Variants in PUDP observed in about 807,000 individuals in gnomAD.
The protein encoded by PUDP is pseudouridine 5'-phosphatase, also known as pseudouridine-5'-phosphatase.
PUDP carries 8 observed loss-of-function variants against 9.4 expected under a neutral mutation model. That is an observed-to-expected ratio of 0.85 (90% CI 0.50 to 1.53). The LOEUF (loss-of-function observed/expected upper bound fraction) is 1.53. PUDP is among the 40% of genes most tolerant of loss of function. PUDP has a pLI of 0.00. For missense variants in PUDP, 188 were observed against 189.7 expected (o/e 0.99, Z 0.05); for synonymous variants, 99 against 80.7 (o/e 1.23, Z -1.22).
At chrX:7,032,683 T>C (rs2062100050) in intron 1 of PUDP, among the ~76,000 whole-genome samples, 1 of 111,900 alleles carries the variant, frequency 8.9e-6, no homozygotes, top group South Asian at 3.7e-4. Flanking sequence ...AAAGCCATGG[T>C]AATAAGAACA....
intron 1 of PUDP, 84 bp from the exon 2 acceptor site, chrX:7,105,922 G>T: frequency 1.6e-6 from 1 of 623,020 alleles, no homozygotes; most frequent in Non-Finnish European, 2.4e-6. Flanking sequence ...CATACACTGT[G>T]TAGGTCTCAT....
At chrX:6,993,958 A>T (rs954858373) in intron 1 of PUDP, among the ~76,000 whole-genome samples, 4 of 112,390 alleles carry the variant, frequency 3.6e-5, no homozygotes, top group African/African-American at 1.3e-4. Flanking sequence ...GACAATTAAG[A>T]CAGAACAAAT....
At chrX:6,727,645 C>A (rs1263020993) in intron 3 of PUDP, among the ~76,000 whole-genome samples, 1 of 111,753 alleles carries the variant, frequency 8.9e-6, no homozygotes, top group Non-Finnish European at 1.9e-5. Flanking sequence ...AATTTTAAAA[C>A]CAGCTGTCTT....
At chrX:6,924,728 T>C (rs1250653362) in intron 3 of PUDP, among the ~76,000 whole-genome samples, 2 of 112,515 alleles carry the variant, frequency 1.8e-5, no homozygotes, top group Non-Finnish European at 3.7e-5. Context: ...TTGGAACATT[T>C]CAAATTTTGG....
intron 3 of PUDP, among the ~76,000 whole-genome samples, chrX:6,939,402 A>C (rs1027161836): frequency 9.3e-5 from 10 of 107,251 alleles, no homozygotes; most frequent in African/African-American, 3.3e-4. Flanking sequence ...TAATATTATT[A>C]ATCTATTTAA....
intron 1 of PUDP, among the ~76,000 whole-genome samples, chrX:7,106,069 G>C (rs1003379456): frequency 1.2e-4 from 13 of 112,314 alleles, no homozygotes; most frequent in Non-Finnish European, 1.9e-5. Flanking sequence ...TGGAAATTCA[G>C]AACTCAGGAG....
intron 3 of PUDP, among the ~76,000 whole-genome samples, chrX:6,749,573 A>G (rs1436931789): frequency 1.8e-5 from 2 of 112,106 alleles, no homozygotes; most frequent in African/African-American, 6.5e-5. Flanking sequence ...AATGATTTGC[A>G]ATGGAGACTT....
chrX:6,804,718 T>A (rs1041323823), intron 3 of PUDP, among the ~76,000 whole-genome samples: 3 of 111,315 alleles, frequency 2.7e-5, no homozygotes, highest in African/African-American at 9.8e-5. Context: ...TGGTTGTTGA[T>A]CTCTCCCAGC....
At chrX:6,910,749 A>G (rs768034764) in intron 3 of PUDP, among the ~76,000 whole-genome samples, 1 of 112,370 alleles carries the variant, frequency 8.9e-6, no homozygotes, top group Non-Finnish European at 1.9e-5. Context: ...CACACCTGCA[A>G]AAATCACAGA....
At chrX:6,933,351 C>T (rs1434886568) in intron 3 of PUDP, among the ~76,000 whole-genome samples, 3 of 111,609 alleles carry the variant, frequency 2.7e-5, no homozygotes, top group Non-Finnish European at 1.9e-5. Context: ...TCTGCAAACA[C>T]CGCTGCGGAT....
At chrX:7,128,734 AT>A (rs1932544982) in intron 1 of PUDP, among the ~76,000 whole-genome samples, 1 of 111,720 alleles carries the variant, frequency 9.0e-6, no homozygotes, top group Non-Finnish European at 1.9e-5. Context: ...TAATGTTTCT[AT>A]CTGGGGAAAT....
chrX:7,127,615 C>T (rs1384026091), intron 1 of PUDP, among the ~76,000 whole-genome samples: 2 of 112,411 alleles, frequency 1.8e-5, no homozygotes, highest in Admixed American at 1.9e-4. Context: ...TCTCTCAACT[C>T]CCAAATCATT....
At chrX:6,711,984 T>C (rs1924537754) in intron 1 of PUDP, among the ~76,000 whole-genome samples, 1 of 111,975 alleles carries the variant, frequency 8.9e-6, no homozygotes, top group African/African-American at 3.2e-5. Context: ...GTTTCTTTCC[T>C]GGAGTCAGCA....
At chrX:6,820,799 C>T (rs62590382) in intron 3 of PUDP, among the ~76,000 whole-genome samples, 8,429 of 111,399 alleles carry the variant, frequency 0.076, 271 homozygotes, top group African/African-American at 0.11. Flanking sequence ...TGAGTGTCTG[C>T]GGCTTTTCCA....
At chrX:7,104,021 T>C (rs58677522) in intron 2 of PUDP, among the ~76,000 whole-genome samples, 4,650 of 112,011 alleles carry the variant, frequency 0.042, 229 homozygotes, top group African/African-American at 0.14. Flanking sequence ...AAAATTACCA[T>C]GGGATCCAGC....
At chrX:7,033,167 T>C (rs1372266857) in intron 1 of PUDP, among the ~76,000 whole-genome samples, 2 of 111,664 alleles carry the variant, frequency 1.8e-5, no homozygotes, top group Non-Finnish European at 3.8e-5. Flanking sequence ...TCTTCAACTT[T>C]GGGAGTCAGA....
rs779333387 is a variant in PUDP, at chrX:7,090,226, CT to C, written c.281-12778del. ...ATATAGTATCTAAATATTATATATA[CT>C]ATATAATAACTCATTGAAAAACATA... On this transcript the variant is annotated intron_variant, in intron 2 of 3. Transcript: ENST00000381077. Among the ~76,000 whole-genome samples, 6 of 110,504 alleles carry C rather than the reference CT, an allele frequency of 5.4e-5. No individual in the cohort carries two copies. The East Asian group carries it at 1.4e-3, about 26-fold the overall frequency.
chrX:6,716,609 T>C (rs193084118), intron 1 of PUDP, among the ~76,000 whole-genome samples: 1 of 108,783 alleles, frequency 9.2e-6, no homozygotes, highest in African/African-American at 3.3e-5. Context: ...AATTTGCTTT[T>C]CCTTTAAATA....
intron 3 of PUDP, among the ~76,000 whole-genome samples, chrX:6,759,058 T>A (rs1029562028): frequency 8.9e-6 from 1 of 111,915 alleles, no homozygotes; most frequent in African/African-American, 3.2e-5. Context: ...GACAGCCCGA[T>A]TCTTGGCTGT....
Sources: gnomAD v4.1 joint callset for allele counts (sites outside exome capture counted in the v4.1 genomes callset) on GRCh38, gnomAD v4.1.1 for gene constraint, MANE v1.5 for transcripts, NCBI Gene and HGNC (gene_info 2026-07-23, HGNC 2026-07-21) for gene names.